The following CCDC171 variants were observed in gnomAD, a reference collection of about 807,000 sequenced individuals.
CCDC171 encodes coiled-coil domain-containing protein 171.
Under a neutral mutation model 168.2 loss-of-function variants are expected in CCDC171, and 177 were observed. The ratio of observed to expected loss-of-function variants is 1.05; its 90% CI spans 0.93 to 1.19. CCDC171 has a LOEUF of 1.19. Among genes scored for constraint, CCDC171 ranks in the 50% most tolerant of loss-of-function variants. CCDC171 has a pLI of 0.00. For synonymous variants in CCDC171, 687 were observed against 540.8 expected (o/e 1.27, Z -3.75); for missense variants, 1,991 against 1,539.0 (o/e 1.29, Z -4.91).
the CCDC171 span, among the ~76,000 whole-genome samples, chr9:16,072,492 C>T: frequency 6.6e-6 from 1 of 152,180 alleles, no homozygotes; most frequent in East Asian, 1.9e-4. Flanking sequence ...TTGGAATCCA[C>T]ATCAACAAAT....
rs559863719 is a variant in CCDC171, at chr9:15,902,805, G to A, written c.3601-17465G>A. 2.6e-5 allele frequency among the ~76,000 whole-genome samples: 4 copies of A among 152,292 alleles called. No individual in the cohort carries two copies. In the South Asian group the frequency reaches 6.2e-4, roughly 24 times the overall value. On this transcript the variant is annotated intron_variant, in intron 24 of 25. Coordinates refer to ENST00000380701, the MANE Select transcript of CCDC171 (RefSeq NM_173550.4). ...TAGTCAAAGAAAGGGGTGACGGACG[G>A]CACCTGGAAAATTGGGTCACTCCCA...
intron 18 of CCDC171, among the ~76,000 whole-genome samples, chr9:15,754,299 C>T (rs2055952572): frequency 1.3e-5 from 2 of 152,098 alleles, no homozygotes; most frequent in Admixed American, 1.3e-4. Context: ...ATCTAGTTAT[C>T]AGTTGTGTGA....
chr9:15,607,659 C>T (rs897085645), intron 6 of CCDC171, among the ~76,000 whole-genome samples: 9 of 151,976 alleles, frequency 5.9e-5, no homozygotes, highest in East Asian at 1.9e-4. Flanking sequence ...GACGGGGTTT[C>T]GCCATGTTGG....
chr9:15,579,741 C>G (rs1458293696), intron 4 of CCDC171, among the ~76,000 whole-genome samples: 2 of 151,972 alleles, frequency 1.3e-5, no homozygotes, highest in Non-Finnish European at 2.9e-5. Flanking sequence ...AGTATATATT[C>G]TTTTTTTTCT....
At chr9:15,691,546 T>A (rs9632875) in intron 10 of CCDC171, among the ~76,000 whole-genome samples, 56,669 of 106,174 alleles carry the variant, frequency 0.53, 15,350 homozygotes, top group East Asian at 0.82. Context: ...TATATGTTTT[T>A]TATATATATA....
chr9:15,612,439 A>T (rs992143928), intron 6 of CCDC171, among the ~76,000 whole-genome samples: 1 of 152,130 alleles, frequency 6.6e-6, no homozygotes, highest in Admixed American at 6.6e-5. Context: ...GTGGTGTTTT[A>T]GGAGAGATGA....
At chr9:15,902,916 C>A (rs1821924627) in intron 24 of CCDC171, among the ~76,000 whole-genome samples, 1 of 152,200 alleles carries the variant, frequency 6.6e-6, no homozygotes, top group Non-Finnish European at 1.5e-5. Flanking sequence ...GTCCTACACC[C>A]ACGGAGCCTC....
intron 8 of CCDC171, among the ~76,000 whole-genome samples, chr9:16,037,224 G>C (rs1833487851): frequency 6.6e-6 from 1 of 152,096 alleles, no homozygotes; most frequent in African/African-American, 2.4e-5. Context: ...ATTACATATT[G>C]TACACATATA....
rs528726025 is a variant in CCDC171 at position 15,848,891 on chromosome 9, A to C, written c.3414-2A>C. 6.5e-7 allele frequency: 1 copy of C among 1,545,660 alleles called. No homozygotes were observed. Among genetic ancestry groups the C allele is most frequent in the African/African-American group, 1.4e-5 (1 of 72,390 alleles). On this transcript the variant is annotated splice_acceptor_variant, in intron 22 of 25. Coordinates refer to ENST00000380701, the MANE Select transcript of CCDC171 (RefSeq NM_173550.4). LOFTEE classifies it high-confidence loss of function. ...TAACACTTAATCTTTTATTTTTTCT[A>C]GAGACAAAGAATGTGTTGCTAATCA...
At position 15,656,847 on chromosome 9, in the gene CCDC171, T is replaced by TTG. The variant is rs148164917; in HGVS notation, c.823-266_823-265dup. Reference sequence around the variant, plus strand: ...AGTGATTTAATGGATGTGTACGTGTTTGTGTGTGTGTGTGTATAAAAATTT... The same window carrying TTG: ...AGTGATTTAATGGATGTGTACGTGTTTGTGTGTGTGTGTGTGTATAAAAATTT... On this transcript the variant is annotated intron_variant, in intron 7 of 25. Coordinates refer to ENST00000380701, the MANE Select transcript of CCDC171 (RefSeq NM_173550.4). Among the ~76,000 whole-genome samples, 220 of 151,576 alleles carry TTG rather than the reference T, an allele frequency of 1.5e-3. 3 individuals are homozygous for TTG. Among genetic ancestry groups the TTG allele is most frequent in the African/African-American group, 2.9e-3 (122 of 41,360 alleles).
chr9:15,790,712 G>T (rs1289354226), intron 21 of CCDC171, among the ~76,000 whole-genome samples: 2 of 152,140 alleles, frequency 1.3e-5, no homozygotes, highest in South Asian at 4.1e-4. Context: ...TTTTCTTCTA[G>T]GGTTTTTATG....
intron 3 of CCDC171, among the ~76,000 whole-genome samples, chr9:15,577,516 G>C (rs1239677853): frequency 6.6e-6 from 1 of 152,136 alleles, no homozygotes; most frequent in African/African-American, 2.4e-5. Context: ...CTGCAAAGAG[G>C]CTTTCACTGT....
At chr9:15,779,274 ATC>A (rs1360789213) in intron 20 of CCDC171, 124 bp downstream of exon 20, 7 of 522,614 alleles carry the variant, frequency 1.3e-5, no homozygotes, top group Admixed American at 8.7e-5. Flanking sequence ...TATTAATAAC[ATC>A]TCTTTTTCTT....
chr9:15,855,852 C>G (rs1010400858), intron 23 of CCDC171, among the ~76,000 whole-genome samples: 2 of 151,872 alleles, frequency 1.3e-5, no homozygotes, highest in Non-Finnish European at 2.9e-5. Flanking sequence ...CATGTTGTTA[C>G]AAATTACATT....
At chr9:16,017,837 G>A (rs1209035614) in intron 3 of CCDC171, among the ~76,000 whole-genome samples, 1 of 152,166 alleles carries the variant, frequency 6.6e-6, no homozygotes, top group Non-Finnish European at 1.5e-5. Context: ...CCTAGGTTGA[G>A]CTTTGAGATA....
intron 6 of CCDC171, among the ~76,000 whole-genome samples, chr9:15,603,864 C>T (rs968769479): frequency 2.6e-5 from 4 of 152,146 alleles, no homozygotes; most frequent in Admixed American, 2.6e-4. Context: ...TTTACATTCC[C>T]ACCAACACTG....
chr9:15,675,366 A>G (rs1232010346), intron 9 of CCDC171, among the ~76,000 whole-genome samples: 4 of 151,880 alleles, frequency 2.6e-5, no homozygotes, highest in Non-Finnish European at 5.9e-5. Flanking sequence ...CATTTAGCCC[A>G]TTTACATTTA....
At chr9:15,598,738 T>C (rs1234822922) in intron 6 of CCDC171, among the ~76,000 whole-genome samples, 1 of 152,156 alleles carries the variant, frequency 6.6e-6, no homozygotes, top group Non-Finnish European at 1.5e-5. Flanking sequence ...TGTCTAATGT[T>C]GACAGTGGGG....
intron 1 of CCDC171, among the ~76,000 whole-genome samples, chr9:15,559,863 C>T (rs1305473739): frequency 6.6e-6 from 1 of 152,064 alleles, no homozygotes; most frequent in African/African-American, 2.4e-5. Flanking sequence ...TTTGCAGTGG[C>T]TGGTACCGGT....
Sources: allele counts gnomAD v4.1 joint callset (sites outside exome capture counted in the v4.1 genomes callset), GRCh38; gene constraint gnomAD v4.1.1; transcripts MANE v1.5; gene names NCBI Gene and HGNC (gene_info 2026-07-23, HGNC 2026-07-21).